GPC5: variants seen among roughly 807,000 people sequenced by gnomAD.
The protein encoded by GPC5 is glypican 5, also known as glypican-5.
A neutral mutation model predicts 53.9 loss-of-function variants in GPC5; 47 were observed. That is an observed-to-expected ratio of 0.87 (90% CI 0.69 to 1.11). GPC5 has a LOEUF of 1.11. Ranked by LOEUF, GPC5 falls within the 50% of genes most tolerant of loss-of-function variation. GPC5 has a pLI of 0.00. For missense variants in GPC5, 748 were observed against 713.1 expected (o/e 1.05, Z -0.56); for synonymous variants, 286 against 263.3 (o/e 1.09, Z -0.84).
At chr13:91,882,342 T>G (rs1291085631) in intron 5 of GPC5, among the ~76,000 whole-genome samples, 1 of 152,136 alleles carries the variant, frequency 6.6e-6, no homozygotes, top group Non-Finnish European at 1.5e-5. Flanking sequence ...TTATACATTA[T>G]AATGCTCAAA....
intron 2 of GPC5, among the ~76,000 whole-genome samples, chr13:91,456,473 C>G (rs985580211): frequency 2.6e-5 from 4 of 151,788 alleles, no homozygotes; most frequent in Non-Finnish European, 4.4e-5. Context: ...CAATAATAAT[C>G]TGCAAAGTTA....
chr13:92,500,826 G>A (rs1379634678), intron 7 of GPC5, among the ~76,000 whole-genome samples: 1 of 152,062 alleles, frequency 6.6e-6, no homozygotes, highest in African/African-American at 2.4e-5. Flanking sequence ...CTTAGAGAGA[G>A]GGCAAAAGAG....
chr13:92,587,889 G>A (rs188496854), intron 7 of GPC5, among the ~76,000 whole-genome samples: 16 of 151,862 alleles, frequency 1.1e-4, no homozygotes, highest in Admixed American at 2.0e-4. Flanking sequence ...AGGTTTTTTG[G>A]GGTTTTTTTT....
intron 6 of GPC5, among the ~76,000 whole-genome samples, chr13:92,076,619 C>T (rs1420545323): frequency 6.6e-6 from 1 of 151,138 alleles, no homozygotes; most frequent in African/African-American, 2.4e-5. Flanking sequence ...GGGAGTCATC[C>T]CCTACAAACC....
intron 6 of GPC5, among the ~76,000 whole-genome samples, chr13:92,039,210 G>A (rs1399641801): frequency 6.6e-6 from 1 of 152,202 alleles, no homozygotes; most frequent in Non-Finnish European, 1.5e-5. Context: ...GTAAGAATTG[G>A]AAGAAGCTGG....
chr13:92,413,806 A>G (rs563207947), intron 7 of GPC5, among the ~76,000 whole-genome samples: 17 of 152,342 alleles, frequency 1.1e-4, no homozygotes, highest in African/African-American at 4.1e-4. Context: ...AAGCAGGATG[A>G]GAAGAGGGGC....
intron 7 of GPC5, among the ~76,000 whole-genome samples, chr13:92,601,574 A>G (rs1224427682): frequency 6.6e-6 from 1 of 151,246 alleles, no homozygotes; most frequent in Non-Finnish European, 1.5e-5. Flanking sequence ...AAAAAAAAAA[A>G]AAAGAAGAAA....
At chr13:91,407,311 C>A (rs1877396830) in intron 1 of GPC5, among the ~76,000 whole-genome samples, 1 of 152,092 alleles carries the variant, frequency 6.6e-6, no homozygotes, top group African/African-American at 2.4e-5. Context: ...TTTTTATCTG[C>A]TATCTAACAT....
intron 2 of GPC5, among the ~76,000 whole-genome samples, chr13:91,527,575 G>C (rs567582518): frequency 6.6e-6 from 1 of 152,236 alleles, no homozygotes; most frequent in Admixed American, 6.5e-5. Context: ...CTATTCGGGC[G>C]TCTGGAGGAC....
intron 3 of GPC5, among the ~76,000 whole-genome samples, chr13:91,705,983 C>T (rs1162515991): frequency 4.0e-5 from 6 of 149,618 alleles, no homozygotes; most frequent in African/African-American, 9.9e-5. Context: ...TGAGTTCAAG[C>T]GATTCTCCTG....
intron 6 of GPC5, among the ~76,000 whole-genome samples, chr13:92,079,751 A>G (rs1233787608): frequency 6.6e-6 from 1 of 152,192 alleles, no homozygotes; most frequent in East Asian, 1.9e-4. Flanking sequence ...AGTTCTTGCC[A>G]TTCATTTCTT....
intron 1 of GPC5, among the ~76,000 whole-genome samples, chr13:91,403,978 C>T (rs1293455163): frequency 2.6e-5 from 4 of 152,064 alleles, no homozygotes; most frequent in African/African-American, 9.7e-5. Context: ...TCCATTTTGC[C>T]GAGTGTCCAA....
intron 7 of GPC5, among the ~76,000 whole-genome samples, chr13:92,181,185 G>C (rs1221817080): frequency 6.6e-6 from 1 of 151,828 alleles, no homozygotes; most frequent in Non-Finnish European, 1.5e-5. Flanking sequence ...AGTCTTTAAA[G>C]TTTTCTTCAA....
At chr13:92,856,593 A>G (rs1358455847) in intron 7 of GPC5, among the ~76,000 whole-genome samples, 1 of 152,084 alleles carries the variant, frequency 6.6e-6, no homozygotes, top group Non-Finnish European at 1.5e-5. Context: ...ATTCTAAAGA[A>G]TGCCAAAAGT....
chr13:92,190,681 A>G (rs949172658), intron 7 of GPC5, among the ~76,000 whole-genome samples: 1 of 152,108 alleles, frequency 6.6e-6, no homozygotes. Context: ...GTATATTGCA[A>G]ACTCTATGAA....
Position 91,525,326 on chromosome 13 carries a change from C to T in GPC5, c.325+76404C>T, listed in dbSNP as rs1886036318. 2.0e-5 allele frequency among the ~76,000 whole-genome samples: 3 copies of T among 152,082 alleles called. No homozygotes were observed. In the South Asian group the frequency reaches 6.2e-4, roughly 32 times the overall value. On this transcript the variant is annotated intron_variant, in intron 2 of 7. Coordinates refer to ENST00000377067, the MANE Select transcript of GPC5 (RefSeq NM_004466.6). ...TGTTTATATGACAAGATCTTATATG[C>T]CTTACTAAATTTTAAATGCTATTTG...
At position 92,415,299 on chromosome 13, in the gene GPC5, G is replaced by T. The variant is rs34004765; in HGVS notation, c.1561+270310G>T. On this transcript the variant is annotated intron_variant, in intron 7 of 7. Transcript: ENST00000377067. ...AGTGGAGTGAATTGGAGGAAGCCCT[G>T]AATGGATGTGAAAGACCAGTTAGAA... Among the ~76,000 whole-genome samples, 779 of 152,314 alleles carry T rather than the reference G, an allele frequency of 5.1e-3. 11 individuals carry two copies. The highest frequency in any genetic ancestry group is 0.021 in the Middle Eastern group (6 of 292).
chr13:92,500,611 G>C (rs778783391), intron 7 of GPC5, among the ~76,000 whole-genome samples: 13 of 151,480 alleles, frequency 8.6e-5, no homozygotes, highest in Non-Finnish European at 1.5e-4. Context: ...TTCCAAGATA[G>C]TTTATTTTAC....
At chr13:91,733,718 G>A (rs2036752842) in intron 4 of GPC5, among the ~76,000 whole-genome samples, 1 of 152,148 alleles carries the variant, frequency 6.6e-6, no homozygotes, top group African/African-American at 2.4e-5. Context: ...ATCAGCTTAA[G>A]GAGTTTTAGG....
Sources: gnomAD v4.1 joint callset for allele counts (sites outside exome capture counted in the v4.1 genomes callset) on GRCh38, gnomAD v4.1.1 for gene constraint, MANE v1.5 for transcripts, NCBI Gene and HGNC (gene_info 2026-07-23, HGNC 2026-07-21) for gene names.